The following SBF2 variants were observed in gnomAD, a reference collection of about 807,000 sequenced individuals.
SBF2 encodes the protein myotubularin-related protein 13.
SBF2 carries 112 observed loss-of-function variants against 225.2 expected under a neutral mutation model. The ratio of observed to expected loss-of-function variants is 0.50; its 90% CI spans 0.43 to 0.58. SBF2 has a LOEUF of 0.58. Among genes scored for constraint, SBF2 ranks in the 20% least tolerant of loss-of-function variants. The probability of loss-of-function intolerance (pLI) is 0.00; values close to 1 mark genes in which losing one functional copy is unlikely to be tolerated. For synonymous variants in SBF2, 763 were observed against 773.3 expected (o/e 0.99, Z 0.22); for missense variants, 1,996 against 2,206.2 (o/e 0.90, Z 1.91).
At chr11:10,024,036 ATTAGACCACATTTTTTAGAACT>A (rs1303683843) in intron 6 of SBF2, among the ~76,000 whole-genome samples, 4 of 152,130 alleles carry the variant, frequency 2.6e-5, no homozygotes, top group Admixed American at 2.6e-4. Context: ...ATCACCATAG[ATTAGACCACATTTTTTAGAACT>A]TTAGAGAAAC....
At chr11:9,814,336 A>G (rs572233049) in intron 29 of SBF2, among the ~76,000 whole-genome samples, 15 of 152,236 alleles carry the variant, frequency 9.9e-5, no homozygotes, top group South Asian at 6.2e-4. Context: ...TTGCACAGCA[A>G]CATAAATGTA....
intron 1 of SBF2, among the ~76,000 whole-genome samples, chr11:10,213,267 G>T (rs1390461347): frequency 6.6e-6 from 1 of 152,152 alleles, no homozygotes; most frequent in Non-Finnish European, 1.5e-5. Flanking sequence ...GAGTAAGGAA[G>T]CCAGCTGCAC....
chr11:10,000,677 T>A (rs1947917287), intron 8 of SBF2, among the ~76,000 whole-genome samples: 1 of 152,166 alleles, frequency 6.6e-6, no homozygotes, highest in African/African-American at 2.4e-5. Context: ...AGATAAACAA[T>A]GTACCAAAAG....
intron 14 of SBF2, among the ~76,000 whole-genome samples, chr11:9,967,971 C>CTCTCTCTCTCTCTCTCTATA (rs1260685462): frequency 1.1e-5 from 1 of 91,508 alleles, no homozygotes; most frequent in African/African-American, 3.8e-5. Context: ...CTCTCTCTCT[C>CTCTCTCTCTCTCTCTCTATA]TATATATATA....
rs570109614 is a variant in SBF2, at chr11:9,816,830, G to T, written c.3978+10C>A. On this transcript the variant is annotated intron_variant, in intron 29 of 39. Transcript: ENST00000256190. ...CATAAAGTTTCTAAGTGAGAAAAAA[G>T]AAATCTTACCCTTAGTTGCGACTTT... 3 of 1,613,618 alleles carry T rather than the reference G, an allele frequency of 1.9e-6. No individual in the cohort carries two copies. The highest frequency in any genetic ancestry group is 2.2e-5 in the East Asian group (1 of 44,880).
intron 21 of SBF2, among the ~76,000 whole-genome samples, chr11:9,851,367 T>C (rs1048532645): frequency 2.0e-5 from 3 of 152,198 alleles, no homozygotes; most frequent in African/African-American, 7.2e-5. Context: ...ATTTCTTTTA[T>C]GCTCAAATTT....
chr11:9,898,490 G>C (rs1016606352), intron 16 of SBF2, among the ~76,000 whole-genome samples: 2 of 152,088 alleles, frequency 1.3e-5, no homozygotes, highest in Non-Finnish European at 2.9e-5. Context: ...GGGCAACATG[G>C]TGAAACCCTG....
At chr11:9,789,063 T>C (rs959358030) in intron 35 of SBF2, 46 bp downstream of exon 35, 4 of 1,546,796 alleles carry the variant, frequency 2.6e-6, no homozygotes, top group Non-Finnish European at 3.6e-6. Flanking sequence ...CCCTCATGCC[T>C]CCAGGGCCCC....
intron 2 of SBF2, among the ~76,000 whole-genome samples, chr11:10,113,901 T>C (rs904162845): frequency 6.6e-6 from 1 of 152,172 alleles, no homozygotes; most frequent in Non-Finnish European, 1.5e-5. Context: ...TAATTCTTTG[T>C]TCAAAATTTT....
At chr11:9,845,509 C>G in intron 24 of SBF2, 56 bp downstream of exon 24, 1 of 1,486,460 alleles carries the variant, frequency 6.7e-7, no homozygotes, top group Non-Finnish European at 9.4e-7. Flanking sequence ...ATAGGTTACT[C>G]CTTTTGCAAT....
intron 1 of SBF2, among the ~76,000 whole-genome samples, chr11:10,229,526 T>C (rs1958734210): frequency 6.6e-6 from 1 of 152,030 alleles, no homozygotes; most frequent in Non-Finnish European, 1.5e-5. Flanking sequence ...TTCGTTCTTG[T>C]TGGTTTCAAA....
intron 14 of SBF2, among the ~76,000 whole-genome samples, chr11:9,967,397 T>G (rs1590631985): frequency 6.7e-6 from 1 of 148,314 alleles, no homozygotes; most frequent in Non-Finnish European, 1.5e-5. Flanking sequence ...AGAAACGAAA[T>G]GCTGATACAT....
chr11:9,793,392 T>A lies in SBF2; in HGVS notation c.4570+2439A>T, dbSNP rs150492120. On this transcript the variant is annotated intron_variant, in intron 33 of 39. Transcript: ENST00000256190. ...GGGCTCACCTGGGGAGTTTTTATTT[T>A]TTATTCTTTATTTTTGAGACAGGGT... 6.8e-3 allele frequency among the ~76,000 whole-genome samples: 1,033 copies of A among 151,612 alleles called. 11 individuals carry two copies. Among genetic ancestry groups the A allele is most frequent in the African/African-American group, 0.023 (969 of 41,290 alleles).
intron 2 of SBF2, among the ~76,000 whole-genome samples, chr11:10,073,377 A>T (rs1473652802): frequency 6.6e-6 from 1 of 152,058 alleles, no homozygotes; most frequent in Non-Finnish European, 1.5e-5. Flanking sequence ...TTTCCTTAAC[A>T]AATTATATGG....
At position 10,131,294 on chromosome 11, in the gene SBF2, C is replaced by T. The variant is rs377552243; in HGVS notation, c.141+62608G>A. On this transcript the variant is annotated intron_variant, in intron 2 of 39. Transcript: ENST00000256190. ...AGGCTGGAGTACAGTGGCACGATCA[C>T]GGCTCACTGCAGCCTTGACCTCCCA... Among the ~76,000 whole-genome samples the T allele has an allele frequency of 1.8e-4, 27 of 151,278 alleles. No individual in the cohort carries two copies. In the South Asian group the frequency reaches 3.3e-3, roughly 19 times the overall value.
chr11:9,942,917 A>AAGAAAG lies in SBF2; in HGVS notation c.1860+19034_1860+19039dup, dbSNP rs796308155. ...AGAGAGAGAGAGAAAGAAAGAAAGAAAGAAAGAAAGAAAGAAAGAAAGAAG... is the reference window on the plus strand; with the variant it reads ...AGAGAGAGAGAGAAAGAAAGAAAGAAAGAAAGAGAAAGAAAGAAAGAAAGAAAGAAG... On this transcript the variant is annotated intron_variant, in intron 16 of 39. Transcript: ENST00000256190. Among the ~76,000 whole-genome samples, 27 of 72,160 alleles carry AAGAAAG rather than the reference A, an allele frequency of 3.7e-4. No individual in the cohort carries two copies. The East Asian group carries it at 8.7e-3, about 23-fold the overall frequency. The allele number at this position is 72,160 out of a possible 152,430, so 47.3% of individuals were successfully genotyped here.
intron 2 of SBF2, among the ~76,000 whole-genome samples, chr11:10,082,531 T>C (rs983203690): frequency 6.6e-6 from 1 of 152,184 alleles, no homozygotes; most frequent in African/African-American, 2.4e-5. Flanking sequence ...AAAAGGATAA[T>C]GCACCATGAT....
intron 2 of SBF2, among the ~76,000 whole-genome samples, chr11:10,085,466 G>T (rs1364219442): frequency 1.3e-5 from 2 of 151,974 alleles, no homozygotes; most frequent in African/African-American, 4.8e-5. Flanking sequence ...TTATTTCAAT[G>T]ACTGTATTTT....
intron 16 of SBF2, among the ~76,000 whole-genome samples, chr11:9,915,891 C>T (rs111364976): frequency 0.015 from 2,295 of 152,180 alleles, 47 homozygotes; most frequent in African/African-American, 0.052. Flanking sequence ...TGGTGAAACC[C>T]CATGTCTACT....
Sources: allele counts gnomAD v4.1 joint callset (sites outside exome capture counted in the v4.1 genomes callset), GRCh38; gene constraint gnomAD v4.1.1; transcripts MANE v1.5; gene names NCBI Gene and HGNC (gene_info 2026-07-23, HGNC 2026-07-21).